The following ASCC3 variants were observed in gnomAD, a reference collection of about 807,000 sequenced individuals.
ASCC3 encodes ASC-1 complex subunit P200.
Under a neutral mutation model 256.3 loss-of-function variants are expected in ASCC3, and 158 were observed. The observed-to-expected ratio is 0.62, with a 90% CI of 0.54 to 0.70. The LOEUF is 0.70. Ranked by LOEUF, ASCC3 falls within the 30% of genes least tolerant of loss-of-function variation. The pLI, the probability that ASCC3 is intolerant of heterozygous loss-of-function variation, is 0.00. For missense variants in ASCC3, 2,259 were observed against 2,626.0 expected, an observed-to-expected ratio of 0.86 and a Z score of 3.05; for synonymous variants, 948 against 883.4, an observed-to-expected ratio of 1.07 and a Z score of -1.30.
chr6:100,791,248 G>C (rs765283923), intron 8 of ASCC3, among the ~76,000 whole-genome samples: 8 of 151,758 alleles, frequency 5.3e-5, no homozygotes, highest in Non-Finnish European at 1.0e-4. Flanking sequence ...TTACTTTCAA[G>C]AATAAACTGA....
intron 36 of ASCC3, among the ~76,000 whole-genome samples, chr6:100,548,486 A>G (rs1298090949): frequency 1.3e-5 from 2 of 152,014 alleles, no homozygotes; most frequent in Non-Finnish European, 2.9e-5. Flanking sequence ...AAAACTTTGT[A>G]TGAAATAATT....
At chr6:100,587,669 T>A (rs1771773020) in intron 36 of ASCC3, among the ~76,000 whole-genome samples, 2 of 152,238 alleles carry the variant, frequency 1.3e-5, no homozygotes, top group South Asian at 4.1e-4. Flanking sequence ...AATATTCCGT[T>A]ATACAGCTTT....
rs74716313 is a variant in ASCC3, at chr6:100,744,911, A to G, written c.1738-19208T>C. Among the ~76,000 whole-genome samples the G allele has an allele frequency of 0.013, 1,956 of 152,352 alleles. 100 individuals carry two copies. The East Asian group carries it at 0.15, about 12-fold the overall frequency. On this transcript the variant is annotated intron_variant, in intron 10 of 41. Transcript: ENST00000369162. ...TCAGGAAAGCATGACGTTTGTAAAC[A>G]TTCCCTTAAGCTAAAGCCAAGAGAC...
intron 36 of ASCC3, among the ~76,000 whole-genome samples, chr6:100,566,063 T>C (rs1171317431): frequency 6.6e-6 from 1 of 152,100 alleles, no homozygotes; most frequent in Admixed American, 6.6e-5. Flanking sequence ...CAGCTCTGAA[T>C]GCAAAAGAAA....
intron 10 of ASCC3, among the ~76,000 whole-genome samples, chr6:100,740,747 T>A (rs547111049): frequency 2.1e-4 from 32 of 152,320 alleles, no homozygotes; most frequent in African/African-American, 7.2e-4. Context: ...TGCTTTTTTC[T>A]GTGTTCCATT....
chr6:100,779,982 GA>G (rs1422925249), intron 8 of ASCC3, among the ~76,000 whole-genome samples: 1 of 151,890 alleles, frequency 6.6e-6, no homozygotes, highest in Non-Finnish European at 1.5e-5. Context: ...ATAAACAACT[GA>G]AAAATATTTA....
intron 8 of ASCC3, among the ~76,000 whole-genome samples, chr6:100,770,894 C>A (rs1212604527): frequency 2.7e-5 from 4 of 147,464 alleles, no homozygotes; most frequent in African/African-American, 1.0e-4. Flanking sequence ...CAATTCCAAT[C>A]AAAATCCCAC....
intron 13 of ASCC3, among the ~76,000 whole-genome samples, chr6:100,704,987 C>T (rs1778514311): frequency 6.6e-6 from 1 of 151,966 alleles, no homozygotes; most frequent in African/African-American, 2.4e-5. Context: ...GCAAGTTACA[C>T]AGGAGGAGGG....
At chr6:100,646,320 A>T (rs73502918) in intron 22 of ASCC3, among the ~76,000 whole-genome samples, 4,192 of 151,696 alleles carry the variant, frequency 0.028, 115 homozygotes, top group African/African-American at 0.075. Flanking sequence ...TATTATTATT[A>T]TTTTTTTGAG....
intron 1 of ASCC3, among the ~76,000 whole-genome samples, chr6:100,875,367 C>CT (rs1046183786): frequency 3.9e-5 from 6 of 152,270 alleles, no homozygotes; most frequent in African/African-American, 7.2e-5. Flanking sequence ...TTTTGGAAAA[C>CT]TTTAATTATG....
rs866107884 is a variant in ASCC3 at position 100,662,396 on chromosome 6, T to G, written c.2427A>C (p.Thr809=). The G allele has an allele frequency of 6.2e-6, 10 of 1,613,174 alleles. No individual in the cohort carries two copies. In the Middle Eastern group the frequency reaches 4.9e-4, roughly 80 times the overall value. ...GATTGACACCCCAGGCTAACGTAGCTGTACACACTAGGACTTTGATATGCC... is the reference window on the plus strand; with the variant it reads ...GATTGACACCCCAGGCTAACGTAGCGGTACACACTAGGACTTTGATATGCC... The part of the protein sequence containing the change: ...SNGHIKVLVC[T]ATLAWGVNLP... The change falls in exon 15 of 42, where the codon ACA becomes ACC. Residue 809 remains threonine (T), a synonymous_variant. Coordinates refer to ENST00000369162, the MANE Select transcript of ASCC3 (RefSeq NM_006828.4).
At chr6:100,696,538 C>T (rs1303054787) in intron 13 of ASCC3, among the ~76,000 whole-genome samples, 3 of 151,824 alleles carry the variant, frequency 2.0e-5, no homozygotes, top group African/African-American at 7.2e-5. Context: ...TGGAAAGAAG[C>T]TAATAAGGAG....
In ASCC3 at chr6:100,776,643, G is replaced by A. The variant is rs1196588566; in HGVS notation, c.1396-9298C>T. 5.9e-5 allele frequency among the ~76,000 whole-genome samples: 9 copies of A among 152,008 alleles called. No homozygotes were observed. In the South Asian group the frequency reaches 6.2e-4, roughly 11 times the overall value. ...GGTAATACAGGCTACTCGTGAGTGC[G>A]CACTCTATTTTTAAAAGTAAACTGG... is the stretch of plus-strand genomic sequence containing the variant. On this transcript the variant is annotated intron_variant, in intron 8 of 41. Transcript: ENST00000369162.
chr6:100,570,396 A>G (rs1480877030), intron 36 of ASCC3, among the ~76,000 whole-genome samples: 1 of 152,104 alleles, frequency 6.6e-6, no homozygotes, highest in East Asian at 1.9e-4. Flanking sequence ...TCTGTTCAGC[A>G]TGATGTTGGC....
intron 8 of ASCC3, among the ~76,000 whole-genome samples, chr6:100,772,018 T>C (rs1320131825): frequency 6.6e-6 from 1 of 151,934 alleles, no homozygotes; most frequent in Non-Finnish European, 1.5e-5. Flanking sequence ...TAGCTGGGAC[T>C]ACAGGCGCCA....
chr6:100,577,314 CTG>C (rs947924685), intron 36 of ASCC3, among the ~76,000 whole-genome samples: 7 of 152,054 alleles, frequency 4.6e-5, no homozygotes, highest in Non-Finnish European at 8.8e-5. Context: ...CTCCTACTAA[CTG>C]TGAAAAAGTT....
intron 23 of ASCC3, 47 bp downstream of exon 23, chr6:100,643,984 T>A: frequency 7.5e-7 from 1 of 1,329,656 alleles, no homozygotes; most frequent in South Asian, 1.2e-5. Flanking sequence ...TTAGTATAAT[T>A]TTTTTTACAA....
intron 13 of ASCC3, among the ~76,000 whole-genome samples, chr6:100,705,490 G>A (rs1035706611): frequency 6.6e-6 from 1 of 151,892 alleles, no homozygotes; most frequent in Admixed American, 6.6e-5. Flanking sequence ...TTTTGTTTTC[G>A]AATGGACATG....
In ASCC3 at chr6:100,725,628, C is replaced by A. The variant is rs776383149; in HGVS notation, c.1813G>T (p.Val605Leu). The A allele has an allele frequency of 6.2e-7, 1 of 1,612,710 alleles. No homozygotes were observed. Residue 605 changes from valine (V) to leucine (L), a missense_variant, in exon 11 of 42, where the codon GTA becomes TTA. Around this residue, in one of 2 missense-constraint regions of ASCC3, gnomAD observed 1,839 missense variants for 2,206.7 expected, o/e 0.83. Transcript: ENST00000369162. ...ACTTCATCAAGAATAAGGAGCCTTA[C>A]AATCTGGGAAAGAGCTACATCCCCA... ...SVGDVALSQIVRLLILDEVHL... is the reference protein window; with the variant it reads ...SVGDVALSQILRLLILDEVHL...
Sources: allele counts gnomAD v4.1 joint callset (sites outside exome capture counted in the v4.1 genomes callset), GRCh38; gene constraint gnomAD v4.1.1; regional missense constraint gnomAD v4.1.1; transcripts MANE v1.5; gene names NCBI Gene and HGNC (gene_info 2026-07-23, HGNC 2026-07-21).